CCDC148: variants seen among roughly 807,000 people sequenced by gnomAD.
CCDC148 encodes coiled-coil domain containing 148, also known as coiled-coil domain-containing protein 148.
Under a neutral mutation model 85.7 loss-of-function variants are expected in CCDC148, and 89 were observed. The ratio of observed to expected loss-of-function variants is 1.04; its 90% CI spans 0.87 to 1.24. The LOEUF (loss-of-function observed/expected upper bound fraction) is 1.24, where lower values mean the gene tolerates loss of function less well. Ranked by LOEUF, CCDC148 falls within the 50% of genes most tolerant of loss-of-function variation. The probability of loss-of-function intolerance (pLI) is 0.00; values close to 1 mark genes in which losing one functional copy is unlikely to be tolerated. For missense variants in CCDC148, 692 were observed against 671.7 expected, an observed-to-expected ratio of 1.03 and a Z score of -0.33; for synonymous variants, 230 against 213.9, an observed-to-expected ratio of 1.08 and a Z score of -0.66.
At chr2:158,391,239 T>C (rs1685292893) in intron 1 of CCDC148, among the ~76,000 whole-genome samples, 1 of 152,132 alleles carries the variant, frequency 6.6e-6, no homozygotes, top group African/African-American at 2.4e-5. Flanking sequence ...TGCAACTCTT[T>C]CCCAATAATG....
chr2:158,190,995 C>T (rs1262457503), intron 11 of CCDC148, among the ~76,000 whole-genome samples: 1 of 151,918 alleles, frequency 6.6e-6, no homozygotes, highest in Non-Finnish European at 1.5e-5. Context: ...ACCGTGTTAT[C>T]AAGTCATAAT....
intron 7 of CCDC148, chr2:158,338,483 A>C: frequency 3.1e-6 from 1 of 325,546 alleles, no homozygotes; most frequent in Non-Finnish European, 5.5e-6. Flanking sequence ...TGTGTAGTGA[A>C]GAGCTCAATA....
At chr2:158,292,940 A>T (rs944169457) in intron 9 of CCDC148, among the ~76,000 whole-genome samples, 3 of 152,224 alleles carry the variant, frequency 2.0e-5, no homozygotes, top group African/African-American at 7.2e-5. Context: ...TTACAAATGC[A>T]GCATATTCAA....
rs981671992 is a variant in CCDC148, at chr2:158,274,110, C to T, written c.1111-23198G>A. 2.6e-5 allele frequency among the ~76,000 whole-genome samples: 4 copies of T among 152,182 alleles called. No individual in the cohort carries two copies. The East Asian group carries it at 7.7e-4, about 29-fold the overall frequency. On this transcript the variant is annotated intron_variant, in intron 9 of 13. Coordinates refer to ENST00000283233, the MANE Select transcript of CCDC148 (RefSeq NM_138803.4). ...GGACTTCAGATTTTACTGGAATGTC[C>T]CTAGATGTCATTAGCTTCTGAATAC... is the stretch of plus-strand genomic sequence containing the variant.
intron 11 of CCDC148, among the ~76,000 whole-genome samples, chr2:158,199,129 G>T (rs1685822496): frequency 6.6e-6 from 1 of 152,108 alleles, no homozygotes; most frequent in South Asian, 2.1e-4. Flanking sequence ...GTTTATAAGA[G>T]ATTTTACTTG....
intron 2 of CCDC148, among the ~76,000 whole-genome samples, chr2:158,348,693 C>T (rs1332900471): frequency 6.6e-6 from 1 of 151,782 alleles, no homozygotes; most frequent in East Asian, 1.9e-4. Context: ...CACAGGGGGT[C>T]ATTTGTGGGT....
intron 1 of CCDC148, among the ~76,000 whole-genome samples, chr2:158,366,741 T>C (rs751547960): frequency 2.0e-5 from 3 of 152,194 alleles, no homozygotes; most frequent in Non-Finnish European, 4.4e-5. Flanking sequence ...ATTGAAGTTG[T>C]TGTCTTCACC....
At chr2:158,433,092 A>AAAAAAAAAATATATATATATATC (rs1559141535) in intron 1 of CCDC148, among the ~76,000 whole-genome samples, 1 of 67,318 alleles carries the variant, frequency 1.5e-5, no homozygotes, top group African/African-American at 5.1e-5. Flanking sequence ...AAAAAAAAAA[A>AAAAAAAAAATATATATATATATC]TATATATATA....
intron 1 of CCDC148, among the ~76,000 whole-genome samples, chr2:158,429,594 G>A (rs1041024942): frequency 5.9e-5 from 9 of 152,138 alleles, no homozygotes; most frequent in African/African-American, 2.2e-4. Flanking sequence ...ATGCGTAAGT[G>A]CATACATAAA....
chr2:158,450,849 T>C (rs1055127790), intron 1 of CCDC148, among the ~76,000 whole-genome samples: 1 of 152,276 alleles, frequency 6.6e-6, no homozygotes, highest in African/African-American at 2.4e-5. Context: ...TTTAAACAGA[T>C]TGGGGAAGTT....
intron 11 of CCDC148, among the ~76,000 whole-genome samples, chr2:158,186,819 C>A (rs2105268885): frequency 6.6e-6 from 1 of 152,030 alleles, no homozygotes; most frequent in Non-Finnish European, 1.5e-5. Flanking sequence ...TCTAGTTTTG[C>A]CTTTTCTCCC....
intron 1 of CCDC148, among the ~76,000 whole-genome samples, chr2:158,405,145 T>C (rs1685943549): frequency 6.6e-6 from 1 of 152,108 alleles, no homozygotes. Context: ...CTACAAAAAA[T>C]GGTTCCTTAT....
chr2:158,259,989 T>G (rs959025232), intron 9 of CCDC148, among the ~76,000 whole-genome samples: 29 of 151,976 alleles, frequency 1.9e-4, no homozygotes, highest in African/African-American at 5.8e-4. Context: ...ACACCCCTCC[T>G]AGTGACTTTT....
At chr2:158,183,409 T>G (rs1314694653) in intron 11 of CCDC148, among the ~76,000 whole-genome samples, 1 of 152,140 alleles carries the variant, frequency 6.6e-6, no homozygotes, top group Non-Finnish European at 1.5e-5. Flanking sequence ...TCACTGAAAC[T>G]TCAGTGAGAA....
chr2:158,259,581 T>C (rs1312969530), intron 9 of CCDC148, among the ~76,000 whole-genome samples: 1 of 151,226 alleles, frequency 6.6e-6, no homozygotes, highest in Non-Finnish European at 1.5e-5. Context: ...CATATATTTA[T>C]TGGATTAATT....
chr2:158,329,410 T>G (rs7594832), intron 7 of CCDC148, among the ~76,000 whole-genome samples: 8,428 of 152,286 alleles, frequency 0.055, 502 homozygotes, highest in African/African-American at 0.15. Context: ...CTGTTTTGGT[T>G]ACTGTAGCCT....
intron 11 of CCDC148, among the ~76,000 whole-genome samples, chr2:158,194,637 G>A (rs1286508550): frequency 1.3e-5 from 2 of 151,978 alleles, no homozygotes; most frequent in African/African-American, 4.8e-5. Context: ...TCTAAAGTTT[G>A]GAAACCACTA....
At position 158,456,447 on chromosome 2, in the gene CCDC148, G is replaced by T; in HGVS notation, c.-8C>A. On this transcript the variant is annotated 5_prime_UTR_variant, in exon 1 of 14. Transcript: ENST00000283233. Reference sequence around the variant, plus strand: ...AGCAGAAGCTGCACACATGTCAAAGGTCAAAGGGCATAGCCTCAGGGACTC... The same window carrying T: ...AGCAGAAGCTGCACACATGTCAAAGTTCAAAGGGCATAGCCTCAGGGACTC... 1.2e-6 allele frequency: 2 copies of T among 1,610,900 alleles called. No individual in the cohort carries two copies. Among genetic ancestry groups the T allele is most frequent in the Non-Finnish European group, 1.7e-6 (2 of 1,178,656 alleles).
intron 10 of CCDC148, among the ~76,000 whole-genome samples, chr2:158,232,870 G>A (rs1038092290): frequency 2.0e-5 from 3 of 152,124 alleles, no homozygotes; most frequent in Non-Finnish European, 4.4e-5. Context: ...GGAAGGGTAA[G>A]GGGCAGGGGA....
Sources: gnomAD v4.1 joint callset for allele counts (sites outside exome capture counted in the v4.1 genomes callset) on GRCh38, gnomAD v4.1.1 for gene constraint, MANE v1.5 for transcripts, NCBI Gene and HGNC (gene_info 2026-07-23, HGNC 2026-07-21) for gene names.